The following ZFHX3 variants were observed in gnomAD, a reference collection of about 807,000 sequenced individuals.
ZFHX3 encodes zinc finger homeobox 3.
In ZFHX3, 42 loss-of-function variants were observed where a neutral mutation model predicts 279.1. The observed-to-expected ratio is 0.15, with a 90% CI of 0.12 to 0.19. The LOEUF is 0.19. Among genes scored for constraint, ZFHX3 ranks in the 10% least tolerant of loss-of-function variants. The pLI is 1.00. For synonymous variants in ZFHX3, 2,293 were observed against 1,957.8 expected, an observed-to-expected ratio of 1.17 and a Z score of -4.52; for missense variants, 4,981 against 4,754.0, an observed-to-expected ratio of 1.05 and a Z score of -1.40.
At chr16:73,522,116 T>A (rs1256378175) in intron 2 of ZFHX3, among the ~76,000 whole-genome samples, 1 of 152,204 alleles carries the variant, frequency 6.6e-6, no homozygotes. Context: ...CAATGAAGTT[T>A]GACATCACAG....
At chr16:73,622,423 G>T (rs1174135677) in intron 2 of ZFHX3, among the ~76,000 whole-genome samples, 1 of 152,124 alleles carries the variant, frequency 6.6e-6, no homozygotes, top group Non-Finnish European at 1.5e-5. Flanking sequence ...TTAGCCAGGC[G>T]TGGTGGCGGG....
At chr16:73,148,996 A>G (rs1966882998) in intron 5 of ZFHX3, among the ~76,000 whole-genome samples, 1 of 147,622 alleles carries the variant, frequency 6.8e-6, no homozygotes, top group African/African-American at 2.5e-5. Flanking sequence ...TGTTGTAAGA[A>G]TTAAATGAGA....
At chr16:73,750,978 C>G (rs191533678) in intron 1 of ZFHX3, among the ~76,000 whole-genome samples, 9 of 152,288 alleles carry the variant, frequency 5.9e-5, no homozygotes, top group Non-Finnish European at 1.3e-4. Context: ...TAGAGGTCTA[C>G]TGGCCTGGGC....
intron 1 of ZFHX3, among the ~76,000 whole-genome samples, chr16:73,816,661 T>C (rs1960582217): frequency 6.6e-6 from 1 of 152,132 alleles, no homozygotes; most frequent in South Asian, 2.1e-4. Context: ...GAGGGCTGAA[T>C]CTCAGGCAGG....
At chr16:72,928,413 C>T (rs1470730564) in intron 3 of ZFHX3, among the ~76,000 whole-genome samples, 1 of 151,974 alleles carries the variant, frequency 6.6e-6, no homozygotes, top group Non-Finnish European at 1.5e-5. Context: ...GATTTGAATA[C>T]ATGCAAAAGC....
intron 2 of ZFHX3, among the ~76,000 whole-genome samples, chr16:73,532,784 G>A (rs770216065): frequency 1.4e-4 from 21 of 152,330 alleles, no homozygotes; most frequent in Non-Finnish European, 2.5e-4. Context: ...GTGAGACCAG[G>A]TGGAGATAAT....
intron 4 of ZFHX3, among the ~76,000 whole-genome samples, chr16:73,309,968 G>C (rs1042472342): frequency 1.5e-5 from 2 of 134,090 alleles, no homozygotes; most frequent in East Asian, 4.3e-4. Flanking sequence ...GAGTGCAATG[G>C]AGCAATCTCC....
intron 5 of ZFHX3, among the ~76,000 whole-genome samples, chr16:73,164,391 T>C (rs1261621207): frequency 6.6e-6 from 1 of 152,118 alleles, no homozygotes; most frequent in Non-Finnish European, 1.5e-5. Flanking sequence ...CCAAAAACAA[T>C]GTGGCTGATG....
intron 3 of ZFHX3, 62 bp downstream of exon 3, chr16:72,950,407 C>G: frequency 1.9e-6 from 3 of 1,575,518 alleles, no homozygotes; most frequent in African/African-American, 2.7e-5. Flanking sequence ...CTCCCTAACT[C>G]CCCGGTGCGC....
At chr16:73,864,817 T>C (rs1961971267) in intron 1 of ZFHX3, among the ~76,000 whole-genome samples, 1 of 152,084 alleles carries the variant, frequency 6.6e-6, no homozygotes, top group Non-Finnish European at 1.5e-5. Flanking sequence ...AATAAAGTAA[T>C]ATTTGAATTG....
At chr16:73,797,030 T>C (rs1026764447) in intron 1 of ZFHX3, among the ~76,000 whole-genome samples, 1 of 151,332 alleles carries the variant, frequency 6.6e-6, no homozygotes, top group Middle Eastern at 3.2e-3. Context: ...GGCGAAACCC[T>C]GTCTCTACTA....
chr16:73,663,177 A>G (rs954928572), intron 2 of ZFHX3, among the ~76,000 whole-genome samples: 4 of 152,236 alleles, frequency 2.6e-5, no homozygotes, highest in African/African-American at 7.2e-5. Flanking sequence ...TTTGCATTTC[A>G]TACCTTCTCC....
chr16:73,745,125 G>A (rs765308929), intron 1 of ZFHX3, among the ~76,000 whole-genome samples: 3 of 152,152 alleles, frequency 2.0e-5, no homozygotes, highest in Admixed American at 6.5e-5. Context: ...TTTATAGGAA[G>A]GGTGGAATAT....
chr16:72,961,220 C>T (rs575632450), intron 1 of ZFHX3, among the ~76,000 whole-genome samples: 54 of 149,842 alleles, frequency 3.6e-4, no homozygotes, highest in Admixed American at 1.4e-3. Flanking sequence ...CAGCTGGGCT[C>T]GGCGAGCCCC....
At chr16:73,142,975 T>G (rs186259569) in intron 6 of ZFHX3, among the ~76,000 whole-genome samples, 61 of 152,220 alleles carry the variant, frequency 4.0e-4, no homozygotes, top group South Asian at 6.2e-4. Context: ...CAGGATACAA[T>G]TTGGTCTCTT....
chr16:73,308,995 T>C (rs190039710), intron 4 of ZFHX3, among the ~76,000 whole-genome samples: 1 of 152,034 alleles, frequency 6.6e-6, no homozygotes, highest in African/African-American at 2.4e-5. Flanking sequence ...CCTGGTAGGG[T>C]TTATATAGAA....
intron 5 of ZFHX3, among the ~76,000 whole-genome samples, chr16:73,231,178 G>A (rs1038620032): frequency 2.6e-5 from 4 of 152,216 alleles, no homozygotes; most frequent in African/African-American, 9.7e-5. Context: ...CCGGGACACA[G>A]GTGCATGCCC....
chr16:73,239,601 T>A (rs986692762), intron 5 of ZFHX3, among the ~76,000 whole-genome samples: 4 of 152,204 alleles, frequency 2.6e-5, no homozygotes, highest in African/African-American at 9.7e-5. Context: ...GACTGATTCT[T>A]CGCCTATCTT....
intron 2 of ZFHX3, among the ~76,000 whole-genome samples, chr16:73,540,733 C>T (rs547679455): frequency 5.9e-5 from 9 of 152,290 alleles, no homozygotes; most frequent in Admixed American, 3.3e-4. Flanking sequence ...ATACTGTGCT[C>T]GGTGAACATA....
Sources: gnomAD v4.1 joint callset for allele counts (sites outside exome capture counted in the v4.1 genomes callset) on GRCh38, gnomAD v4.1.1 for gene constraint, MANE v1.5 for transcripts, NCBI Gene and HGNC (gene_info 2026-07-23, HGNC 2026-07-21) for gene names.